Variants in CADPS2 observed in about 807,000 individuals in gnomAD.
CADPS2 encodes the protein calcium-dependent secretion activator 2.
CADPS2 carries 93 observed loss-of-function variants against 172.5 expected under a neutral mutation model. That is an observed-to-expected ratio of 0.54 (90% CI 0.46 to 0.64). The LOEUF (loss-of-function observed/expected upper bound fraction) is 0.64. Ranked by LOEUF, CADPS2 falls within the 30% of genes least tolerant of loss-of-function variation. The probability of loss-of-function intolerance (pLI) is 0.00; values close to 1 mark genes in which losing one functional copy is unlikely to be tolerated. For synonymous variants in CADPS2, 546 were observed against 555.2 expected (o/e 0.98, Z 0.23); for missense variants, 1,420 against 1,565.9 (o/e 0.91, Z 1.57).
rs1414221816 is a variant in CADPS2, at chr7:122,645,665, A to ATG, written c.787-16338_787-16337insCA. On this transcript the variant is annotated intron_variant, in intron 3 of 29. Transcript: ENST00000449022. ...AGATACATATATCTCTAAGATATAT[A>ATG]TATATATATATATATATCTTGGGAT... Among the ~76,000 whole-genome samples, 5 of 83,452 alleles carry ATG rather than the reference A, an allele frequency of 6.0e-5. 1 individual carries two copies. Among genetic ancestry groups the ATG allele is most frequent in the Non-Finnish European group, 1.2e-4 (5 of 41,294 alleles). The allele number at this position is 83,452 out of a possible 152,430, so 54.7% of individuals were successfully genotyped here. A position where few individuals can be genotyped will look rare whatever the true frequency, so the allele number is the denominator to read the frequency against.
At chr7:122,871,144 A>C (rs182025934) in intron 1 of CADPS2, among the ~76,000 whole-genome samples, 1 of 152,002 alleles carries the variant, frequency 6.6e-6, no homozygotes, top group Non-Finnish European at 1.5e-5. Context: ...AAAGGAAGAC[A>C]GGGGACAACG....
chr7:122,815,895 A>C (rs533136832), intron 1 of CADPS2, among the ~76,000 whole-genome samples: 60 of 152,324 alleles, frequency 3.9e-4, no homozygotes, highest in Non-Finnish European at 7.9e-4. Flanking sequence ...AGTTTTATTG[A>C]TACCTAATAG....
chr7:122,835,693 G>A (rs894777447), intron 1 of CADPS2, among the ~76,000 whole-genome samples: 11 of 152,292 alleles, frequency 7.2e-5, no homozygotes, highest in African/African-American at 2.2e-4. Context: ...AGTGATGGAA[G>A]ATCAAATAAA....
intron 12 of CADPS2, among the ~76,000 whole-genome samples, chr7:122,479,155 A>C (rs1341600574): frequency 2.0e-5 from 3 of 152,140 alleles, no homozygotes; most frequent in Non-Finnish European, 4.4e-5. Context: ...CAAAAGGACT[A>C]AAAGGGTGCT....
At chr7:122,856,693 C>T (rs1815340748) in intron 1 of CADPS2, among the ~76,000 whole-genome samples, 1 of 152,090 alleles carries the variant, frequency 6.6e-6, no homozygotes, top group Non-Finnish European at 1.5e-5. Flanking sequence ...CAAGTAGATA[C>T]AAAGTAAAAC....
intron 3 of CADPS2, among the ~76,000 whole-genome samples, chr7:122,639,389 C>T (rs2471202): frequency 0.78 from 118,530 of 152,082 alleles, 46,653 homozygotes; most frequent in Middle Eastern, 0.92. Context: ...AGTAGAAAAA[C>T]ATCCATTATA....
At chr7:122,614,137 G>C (rs935145283) in intron 6 of CADPS2, among the ~76,000 whole-genome samples, 4 of 152,164 alleles carry the variant, frequency 2.6e-5, no homozygotes, top group African/African-American at 9.6e-5. Flanking sequence ...ACTGCATGAA[G>C]TCCAGGGTGG....
rs184904904 is a variant in CADPS2, at chr7:122,834,032, C to T, written c.339+51967G>A. Among the ~76,000 whole-genome samples, 218 of 152,146 alleles carry T rather than the reference C, an allele frequency of 1.4e-3. 1 individual carries two copies. The highest frequency in any genetic ancestry group is 5.0e-3 in the African/African-American group (207 of 41,534). On this transcript the variant is annotated intron_variant, in intron 1 of 29. Transcript: ENST00000449022. Reference sequence around the variant, plus strand: ...CCTGCAGCCTGGGTGGAAAAAAAGACGGACATACAGAAACCAGAGAACAAC... The same window carrying T: ...CCTGCAGCCTGGGTGGAAAAAAAGATGGACATACAGAAACCAGAGAACAAC...
At chr7:122,632,707 C>T (rs961975849) in intron 3 of CADPS2, among the ~76,000 whole-genome samples, 1 of 152,108 alleles carries the variant, frequency 6.6e-6, no homozygotes, top group Non-Finnish European at 1.5e-5. Context: ...TAATTAGGTC[C>T]CACTTGTCAA....
chr7:122,406,689 C>T (rs1387825160), intron 20 of CADPS2, among the ~76,000 whole-genome samples: 1 of 152,156 alleles, frequency 6.6e-6, no homozygotes, highest in Non-Finnish European at 1.5e-5. Flanking sequence ...GAAGAAAATA[C>T]ATGACAGAAG....
At chr7:122,662,110 G>A (rs2080623366) in intron 3 of CADPS2, among the ~76,000 whole-genome samples, 1 of 151,862 alleles carries the variant, frequency 6.6e-6, no homozygotes, top group Non-Finnish European at 1.5e-5. Context: ...TAACCAATAT[G>A]GATATAACAC....
intron 2 of CADPS2, among the ~76,000 whole-genome samples, chr7:122,672,341 A>G (rs530468034): frequency 6.6e-6 from 1 of 152,220 alleles, no homozygotes; most frequent in South Asian, 2.1e-4. Flanking sequence ...CTGCTGTGGG[A>G]CCCAGGATTC....
At chr7:122,536,953 A>G (rs1321690479) in intron 8 of CADPS2, among the ~76,000 whole-genome samples, 2 of 152,060 alleles carry the variant, frequency 1.3e-5, no homozygotes, top group Admixed American at 6.6e-5. Context: ...TTTCACTTAT[A>G]AGCGGGAGAT....
At chr7:122,511,683 C>T (rs546052377) in intron 9 of CADPS2, among the ~76,000 whole-genome samples, 1 of 151,968 alleles carries the variant, frequency 6.6e-6, no homozygotes, top group Non-Finnish European at 1.5e-5. Context: ...TGAGATTTTA[C>T]ATAAATGCAT....
chr7:122,379,115 T>C (rs1406687567), intron 25 of CADPS2: 1 of 338,210 alleles, frequency 3.0e-6, no homozygotes, highest in South Asian at 3.4e-5. Context: ...AAGGTTTTAC[T>C]GGAAGAAGAG....
rs1300997831 is a variant in CADPS2 at position 122,629,307 on chromosome 7, C to G, written c.808G>C (p.Ala270Pro). 1 of 1,608,864 alleles carries G rather than the reference C, an allele frequency of 6.2e-7. No individual in the cohort carries two copies. Among genetic ancestry groups the G allele is most frequent in the African/African-American group, 1.3e-5 (1 of 74,762 alleles). Residue 270 changes from alanine (A) to proline (P), a missense_variant, in exon 4 of 30, where the codon GCA becomes CCA. Coordinates refer to ENST00000449022, the MANE Select transcript of CADPS2 (RefSeq NM_017954.11). ...TCAAGTTCCCTTCTGATCTGGGCTG[C>G]TTGTTCATCTGCGTTATCCAGCTTA... Reference protein sequence around the residue: ...ACQLDNADEQAAQIRRELDGR... With the variant: ...ACQLDNADEQPAQIRRELDGR...
chr7:122,477,042 GGAGAGAGAGA>G (rs2056740513), intron 12 of CADPS2, among the ~76,000 whole-genome samples: 28 of 23,382 alleles, frequency 1.2e-3, no homozygotes, highest in Middle Eastern at 0.02. Context: ...GGAGAGGAGA[GGAGAGAGAGA>G]AGAGAGAGAG....
At chr7:122,549,889 G>C (rs2064036192) in intron 8 of CADPS2, among the ~76,000 whole-genome samples, 1 of 152,072 alleles carries the variant, frequency 6.6e-6, no homozygotes, top group Non-Finnish European at 1.5e-5. Flanking sequence ...AACAGACTTG[G>C]CTTTGTTTAA....
chr7:122,377,345 C>T (rs901231754), intron 25 of CADPS2, among the ~76,000 whole-genome samples: 1 of 152,032 alleles, frequency 6.6e-6, no homozygotes, highest in African/African-American at 2.4e-5. Context: ...CTTACTTTGC[C>T]AGAAATGGAT....
Sources: allele counts gnomAD v4.1 joint callset (sites outside exome capture counted in the v4.1 genomes callset), GRCh38; gene constraint gnomAD v4.1.1; transcripts MANE v1.5; gene names NCBI Gene and HGNC (gene_info 2026-07-23, HGNC 2026-07-21).